The following UBN2 variants were observed in gnomAD, a reference collection of about 807,000 sequenced individuals.
The protein encoded by UBN2 is ubinuclein 2, also known as ubinuclein-2.
A neutral mutation model predicts 120.2 loss-of-function variants in UBN2; 35 were observed. The observed-to-expected ratio is 0.29, with a 90% CI of 0.22 to 0.39. The LOEUF (loss-of-function observed/expected upper bound fraction) is 0.39. Ranked by LOEUF, UBN2 falls within the 10% of genes least tolerant of loss-of-function variation. The pLI is 1.00. For missense variants in UBN2, 1,693 were observed against 1,663.2 expected, an observed-to-expected ratio of 1.02 and a Z score of -0.31; for synonymous variants, 661 against 648.7, an observed-to-expected ratio of 1.02 and a Z score of -0.29.
At chr7:139,329,547 T>A in the UBN2 span, among the ~76,000 whole-genome samples, 2 of 152,192 alleles carry the variant, frequency 1.3e-5, no homozygotes, top group African/African-American at 4.8e-5. Flanking sequence ...TCATTCCCAC[T>A]GAAACAGAAG....
intron 16 of UBN2, 40 bp downstream of exon 16, chr7:139,293,503 G>C (rs1427051717): frequency 1.9e-6 from 3 of 1,551,062 alleles, no homozygotes. Flanking sequence ...TGTCTAGCTT[G>C]ACAGAACAGG....
chr7:139,232,570 C>G (rs1796057491), intron 1 of UBN2, among the ~76,000 whole-genome samples: 1 of 152,148 alleles, frequency 6.6e-6, no homozygotes, highest in Non-Finnish European at 1.5e-5. Flanking sequence ...GTTAGTTAAT[C>G]TGGTTACTAA....
chr7:139,237,353 G>A (rs937870113), intron 2 of UBN2, among the ~76,000 whole-genome samples: 1 of 152,046 alleles, frequency 6.6e-6, no homozygotes. Flanking sequence ...TTGGAGTGCC[G>A]TGGTGCAGTG....
chr7:139,317,400 C>G, the UBN2 span, among the ~76,000 whole-genome samples: 1 of 151,914 alleles, frequency 6.6e-6, no homozygotes, highest in Non-Finnish European at 1.5e-5. Context: ...CAAGATTAAT[C>G]TTTAAAACTT....
At chr7:139,289,884 A>G (rs1485956577) in intron 15 of UBN2, among the ~76,000 whole-genome samples, 1 of 151,426 alleles carries the variant, frequency 6.6e-6, no homozygotes, top group Non-Finnish European at 1.5e-5. Context: ...TAGAAGAAGC[A>G]ACTCTGGTTA....
intron 12 of UBN2, chr7:139,276,466 T>A: frequency 2.8e-6 from 1 of 360,876 alleles, no homozygotes; most frequent in Non-Finnish European, 5.2e-6. Context: ...CATCTGCATT[T>A]GTAATCTACA....
In UBN2 at chr7:139,283,875, A is replaced by G. The variant is rs1797691365; in HGVS notation, c.2970A>G (p.Gly990=). ...YRLPLSTPSP[G]NGSQGSHPLV... ...TTCCCTTATCTACCCCCTCACCTGG[A>G]AATGGTTCTCAAGGGTCCCACCCCC... The change falls in exon 15 of 18, where the codon GGA becomes GGG. Residue 990 remains glycine (G), a synonymous_variant. Transcript: ENST00000473989. 1 of 1,614,024 alleles carries G rather than the reference A, an allele frequency of 6.2e-7. No individual in the cohort carries two copies. Among genetic ancestry groups the G allele is most frequent in the Admixed American group, 1.7e-5 (1 of 59,990 alleles).
At chr7:139,273,717 C>T (rs1797358148) in intron 10 of UBN2, among the ~76,000 whole-genome samples, 2 of 152,134 alleles carry the variant, frequency 1.3e-5, no homozygotes. Flanking sequence ...TATTTCTATA[C>T]CCCAAGTAGA....
At position 139,284,405 on chromosome 7, in the gene UBN2, C is replaced by T. The variant is rs1377994804; in HGVS notation, c.3500C>T (p.Ala1167Val). The T allele has an allele frequency of 6.2e-7, 1 of 1,614,166 alleles. No homozygotes were observed. The highest frequency in any genetic ancestry group is 8.5e-7 in the Non-Finnish European group (1 of 1,180,036). ...TVGKNSLSGI[A>V]MNVPASRGSN... is the part of the protein sequence containing the mutation. ...GGGAAGAACAGCTTGAGTGGAATTG[C>T]AATGAATGTACCTGCCAGCAGAGGT... Residue 1167 changes from alanine (A) to valine (V), a missense_variant, in exon 15 of 18, where the codon GCA becomes GTA. Coordinates refer to ENST00000473989, the MANE Select transcript of UBN2 (RefSeq NM_173569.4).
intron 8 of UBN2, among the ~76,000 whole-genome samples, chr7:139,269,922 C>T (rs968055274): frequency 1.3e-5 from 2 of 151,862 alleles, no homozygotes; most frequent in Non-Finnish European, 2.9e-5. Context: ...AGTCCTCCCA[C>T]CTCAGCCTCC....
chr7:139,264,921 A>G (rs564005680), intron 6 of UBN2, among the ~76,000 whole-genome samples: 1 of 152,204 alleles, frequency 6.6e-6, no homozygotes, highest in South Asian at 2.1e-4. Flanking sequence ...TAAGATGTAG[A>G]TATTTTTGGG....
chr7:139,289,430 T>TTTTTTTTTTTTTTTTTTTA (rs1797883087), intron 15 of UBN2, among the ~76,000 whole-genome samples: 1 of 150,602 alleles, frequency 6.6e-6, no homozygotes, highest in Admixed American at 6.6e-5. Context: ...TTTTTTTTTT[T>TTTTTTTTTTTTTTTTTTTA]GAGACAGGGT....
At chr7:139,232,659 G>A (rs755454157) in intron 1 of UBN2, among the ~76,000 whole-genome samples, 4 of 152,074 alleles carry the variant, frequency 2.6e-5, no homozygotes, top group Non-Finnish European at 5.9e-5. Flanking sequence ...AATTGAATGG[G>A]AAGGTGTCTC....
downstream of UBN2, among the ~76,000 whole-genome samples, chr7:139,311,866 G>C (rs917728204): frequency 1.4e-4 from 21 of 152,208 alleles, no homozygotes; most frequent in African/African-American, 4.8e-4. Context: ...ACAGATATTT[G>C]GTTTAGATGT....
intron 7 of UBN2, among the ~76,000 whole-genome samples, chr7:139,268,460 C>T (rs1011209283): frequency 2.0e-5 from 3 of 152,054 alleles, no homozygotes; most frequent in Non-Finnish European, 4.4e-5. Flanking sequence ...TTGGTGATGC[C>T]TTGCCATTGC....
At position 139,266,991 on chromosome 7, in the gene UBN2, G is replaced by A. The variant is rs567655326; in HGVS notation, c.1466+588G>A. Among the ~76,000 whole-genome samples, 14 of 152,244 alleles carry A rather than the reference G, an allele frequency of 9.2e-5. No homozygotes were observed. In the South Asian group the frequency reaches 2.7e-3, roughly 29 times the overall value. On this transcript the variant is annotated intron_variant, in intron 7 of 17. Transcript: ENST00000473989. ...ATTAGCAAATTTTATATTTAACTTA[G>A]CAATAATTTTGCACTCAGAGTTTGA...
At chr7:139,320,007 C>T in the UBN2 span, among the ~76,000 whole-genome samples, 2 of 151,168 alleles carry the variant, frequency 1.3e-5, no homozygotes, top group African/African-American at 2.4e-5. Context: ...ACCCAGGAGG[C>T]AGAGCTTGCA....
At chr7:139,233,505 A>G (rs1250193661) in intron 1 of UBN2, among the ~76,000 whole-genome samples, 1 of 152,206 alleles carries the variant, frequency 6.6e-6, no homozygotes, top group Non-Finnish European at 1.5e-5. Context: ...AGTTCTAAGC[A>G]CTGCACATGG....
downstream of UBN2, among the ~76,000 whole-genome samples, chr7:139,309,308 G>C (rs1798416182): frequency 6.6e-6 from 1 of 152,122 alleles, no homozygotes; most frequent in Non-Finnish European, 1.5e-5. Context: ...TTGTCATGAA[G>C]ATGAAAAGAA....
Sources: gnomAD v4.1 joint callset for allele counts (sites outside exome capture counted in the v4.1 genomes callset) on GRCh38, gnomAD v4.1.1 for gene constraint, MANE v1.5 for transcripts, NCBI Gene and HGNC (gene_info 2026-07-23, HGNC 2026-07-21) for gene names.